Variants in LRFN2 observed in about 807,000 individuals in gnomAD.
LRFN2 encodes the protein leucine-rich repeat and fibronectin type-III domain-containing protein 2.
Under a neutral mutation model 37.3 loss-of-function variants are expected in LRFN2, and 18 were observed. The observed-to-expected ratio is 0.48, with a 90% CI of 0.33 to 0.72. The LOEUF is 0.72. Ranked by LOEUF, LRFN2 falls within the 30% of genes least tolerant of loss-of-function variation. LRFN2 has a pLI of 0.02. For missense variants in LRFN2, 1,006 were observed against 1,060.7 expected (o/e 0.95, Z 0.72); for synonymous variants, 556 against 466.6 (o/e 1.19, Z -2.47).
At chr6:40,568,239 C>T (rs1767124272) in intron 1 of LRFN2, among the ~76,000 whole-genome samples, 1 of 152,164 alleles carries the variant, frequency 6.6e-6, no homozygotes, top group African/African-American at 2.4e-5. Flanking sequence ...CCAGGCCTGC[C>T]CTCCCACAAT....
chr6:40,506,204 G>A (rs1290007166), intron 1 of LRFN2, among the ~76,000 whole-genome samples: 1 of 152,196 alleles, frequency 6.6e-6, no homozygotes, highest in African/African-American at 2.4e-5. Flanking sequence ...TAAAGTGGGT[G>A]TCTACACCCG....
intron 1 of LRFN2, among the ~76,000 whole-genome samples, chr6:40,568,314 C>A (rs148033181): frequency 7.6e-4 from 116 of 152,230 alleles, no homozygotes; most frequent in Non-Finnish European, 1.3e-3. Context: ...GATCTGTGGG[C>A]CTGGGGAACT....
chr6:40,580,718 C>T (rs1767381913), intron 1 of LRFN2, among the ~76,000 whole-genome samples: 1 of 152,154 alleles, frequency 6.6e-6, no homozygotes, highest in South Asian at 2.1e-4. Flanking sequence ...ATGGCACCCG[C>T]CCATGTCTTT....
Position 40,548,475 on chromosome 6 carries a change from C to T in LRFN2, c.-19+38466G>A, listed in dbSNP as rs139395975. 2.2e-3 allele frequency among the ~76,000 whole-genome samples: 338 copies of T among 151,920 alleles called. 1 individual carries two copies. The highest frequency in any genetic ancestry group is 0.01 in the Middle Eastern group (3 of 294). On this transcript the variant is annotated intron_variant, in intron 1 of 2. Coordinates refer to ENST00000338305, the MANE Select transcript of LRFN2 (RefSeq NM_020737.3). The stretch of plus-strand genomic sequence containing the variant: ...ATGAAAAAAGAAAAATAGTACCTAC[C>T]TTACAAGTTATTTTGAGGCTCCAAT...
intron 2 of LRFN2, among the ~76,000 whole-genome samples, chr6:40,400,754 C>T (rs1453265825): frequency 1.3e-5 from 2 of 151,776 alleles, no homozygotes; most frequent in Non-Finnish European, 2.9e-5. Context: ...TTGAGGCTTA[C>T]TGCAAGGGCT....
At chr6:40,513,770 A>G (rs1266831723) in intron 1 of LRFN2, among the ~76,000 whole-genome samples, 1 of 152,194 alleles carries the variant, frequency 6.6e-6, no homozygotes, top group African/African-American at 2.4e-5. Flanking sequence ...TTTTAAGAGT[A>G]GTCAGGAAGG....
rs1581789977 is a variant in LRFN2, at chr6:40,549,052, C to T, written c.-19+37889G>A. 2.0e-5 allele frequency among the ~76,000 whole-genome samples: 3 copies of T among 152,294 alleles called. No individual in the cohort carries two copies. In the Middle Eastern group the frequency reaches 0.01, roughly 518 times the overall value. ...AATTGGGATGCGGAAATAATTGACC[C>T]TATGATGTCAGCAGGGTAGACATTA... On this transcript the variant is annotated intron_variant, in intron 1 of 2. Coordinates refer to ENST00000338305, the MANE Select transcript of LRFN2 (RefSeq NM_020737.3).
At chr6:40,564,807 GC>G (rs1361274302) in intron 1 of LRFN2, among the ~76,000 whole-genome samples, 1 of 151,922 alleles carries the variant, frequency 6.6e-6, no homozygotes, top group African/African-American at 2.4e-5. Flanking sequence ...TACCTCCCCA[GC>G]ATTGCCCACA....
In LRFN2 at chr6:40,494,642, G is replaced by A. The variant is rs145990611; in HGVS notation, c.-18-61511C>T. On this transcript the variant is annotated intron_variant, in intron 1 of 2. Transcript: ENST00000338305. ...GCCCCTTAGTCCATTGTCCCTCTTA[G>A]CACCAAGGACCTCATCCTTCTCTTC... is the stretch of plus-strand genomic sequence containing the variant. Among the ~76,000 whole-genome samples, 203 of 151,996 alleles carry A rather than the reference G, an allele frequency of 1.3e-3. 1 individual carries two copies. Among genetic ancestry groups the A allele is most frequent in the Middle Eastern group, 0.01 (3 of 294 alleles).
At chr6:40,499,059 A>T (rs1361830067) in intron 1 of LRFN2, among the ~76,000 whole-genome samples, 2 of 152,222 alleles carry the variant, frequency 1.3e-5, no homozygotes, top group Non-Finnish European at 2.9e-5. Context: ...CATTTTTATG[A>T]TGCCCCAGGT....
At chr6:40,394,066 G>A (rs1171504345) in intron 2 of LRFN2, among the ~76,000 whole-genome samples, 1 of 152,126 alleles carries the variant, frequency 6.6e-6, no homozygotes, top group Non-Finnish European at 1.5e-5. Context: ...GAAACCTGGG[G>A]GAAGAGTTTC....
intron 1 of LRFN2, among the ~76,000 whole-genome samples, chr6:40,512,590 C>T (rs1282385876): frequency 1.3e-5 from 2 of 152,178 alleles, no homozygotes; most frequent in Non-Finnish European, 2.9e-5. Flanking sequence ...ACATTTTGGG[C>T]CTGGTTTAGC....
At position 40,541,527 on chromosome 6, in the gene LRFN2, G is replaced by A. The variant is rs1007823732; in HGVS notation, c.-19+45414C>T. Reference sequence around the variant, plus strand: ...GTATTCACAAGATCCAGGACGGGGCGGGGGTAGAGGCAAACCATAAAGGCA... The same window carrying A: ...GTATTCACAAGATCCAGGACGGGGCAGGGGTAGAGGCAAACCATAAAGGCA... On this transcript the variant is annotated intron_variant, in intron 1 of 2. Coordinates refer to ENST00000338305, the MANE Select transcript of LRFN2 (RefSeq NM_020737.3). Among the ~76,000 whole-genome samples the A allele has an allele frequency of 5.9e-5, 9 of 152,136 alleles. No individual in the cohort carries two copies. The South Asian group carries it at 8.3e-4, about 14-fold the overall frequency.
intron 1 of LRFN2, among the ~76,000 whole-genome samples, chr6:40,460,994 TTGTAA>T (rs1764335899): frequency 6.6e-6 from 1 of 152,202 alleles, no homozygotes; most frequent in Non-Finnish European, 1.5e-5. Flanking sequence ...TTTTCCATCA[TTGTAA>T]TGTAACATTT....
chr6:40,463,108 T>G (rs1287994040), intron 1 of LRFN2, among the ~76,000 whole-genome samples: 2 of 152,118 alleles, frequency 1.3e-5, no homozygotes, highest in African/African-American at 4.8e-5. Context: ...AACCATAAGG[T>G]GGATTTGGGA....
intron 1 of LRFN2, among the ~76,000 whole-genome samples, chr6:40,482,167 G>A (rs1025243916): frequency 3.3e-5 from 5 of 152,186 alleles, no homozygotes; most frequent in African/African-American, 1.2e-4. Context: ...CTGTCAGAGA[G>A]GGGTGGGGAG....
At chr6:40,467,174 AT>A (rs1175758329) in intron 1 of LRFN2, among the ~76,000 whole-genome samples, 3 of 150,570 alleles carry the variant, frequency 2.0e-5, no homozygotes, top group African/African-American at 7.4e-5. Flanking sequence ...TGAGATGATG[AT>A]GATGATGATG....
chr6:40,484,550 G>T (rs965433744), intron 1 of LRFN2, among the ~76,000 whole-genome samples: 6 of 152,146 alleles, frequency 3.9e-5, no homozygotes, highest in Admixed American at 2.0e-4. Flanking sequence ...GCACTTCTGT[G>T]CTCCCTGGAC....
chr6:40,563,587 G>T (rs540395338), intron 1 of LRFN2, among the ~76,000 whole-genome samples: 1 of 152,256 alleles, frequency 6.6e-6, no homozygotes, highest in South Asian at 2.1e-4. Context: ...CTGAGGCGAA[G>T]GTAGATATGG....
Sources: allele counts gnomAD v4.1 joint callset (sites outside exome capture counted in the v4.1 genomes callset), GRCh38; gene constraint gnomAD v4.1.1; transcripts MANE v1.5; gene names NCBI Gene and HGNC (gene_info 2026-07-23, HGNC 2026-07-21).